Variants in SLX4 observed in about 807,000 individuals in gnomAD.
The protein encoded by SLX4 is SLX4 structure-specific endonuclease subunit, also known as structure-specific endonuclease subunit SLX4.
In SLX4, 112 loss-of-function variants were observed where a neutral mutation model predicts 146.2. The ratio of observed to expected loss-of-function variants is 0.77; its 90% CI spans 0.66 to 0.90. SLX4 has a LOEUF of 0.90. Ranked by LOEUF, SLX4 falls within the 40% of genes least tolerant of loss-of-function variation. SLX4 has a pLI of 0.00. For missense variants in SLX4, 2,563 were observed against 2,392.7 expected, an observed-to-expected ratio of 1.07 and a Z score of -1.49; for synonymous variants, 1,061 against 997.7, an observed-to-expected ratio of 1.06 and a Z score of -1.20.
Position 3,608,676 on chromosome 16 carries a change from C to T in SLX4, c.289G>A (p.Ala97Thr), listed in dbSNP as rs2040813930. 6.2e-7 allele frequency: 1 copy of T among 1,614,196 alleles called. No individual in the cohort carries two copies. Among genetic ancestry groups the T allele is most frequent in the Non-Finnish European group, 8.5e-7 (1 of 1,180,044 alleles). The part of the protein sequence containing the change: ...RSKLKRTKQT[A>T]TKTKTLQGPA... ...CCTTGAAGGGTTTTGGTCTTGGTAG[C>T]AGTTTGTTTGGTCCTTTTCAATTTG... The change falls in exon 2 of 15, where the codon GCT (alanine) becomes ACT (threonine). Residue 97 changes from alanine to threonine, a missense_variant. Transcript: ENST00000294008.
rs1318120613 is a variant in SLX4 at position 3,594,480 on chromosome 16, ATAAAGCACGAACTTGTGGGCG to A, written c.2112_2132del (p.His706_Ala712del). The A allele has an allele frequency of 6.2e-7, 1 of 1,614,026 alleles. No individual in the cohort carries two copies. The highest frequency in any genetic ancestry group is 1.1e-5 in the South Asian group (1 of 91,050). On this transcript the variant is annotated inframe_deletion, in exon 10 of 15. Coordinates refer to ENST00000294008, the MANE Select transcript of SLX4 (RefSeq NM_032444.4). ...ACTGGATGAGGAGCGGGCATCGGGC[ATAAAGCACGAACTTGTGGGCG>A]TAAAGCACCTCCCCGCTGTCCGTCT... is the stretch of plus-strand genomic sequence containing the variant.
At chr16:3,604,892 T>C (rs1431182149) in intron 3 of SLX4, among the ~76,000 whole-genome samples, 1 of 151,206 alleles carries the variant, frequency 6.6e-6, no homozygotes, top group African/African-American at 2.4e-5. Flanking sequence ...TAAATCTAGA[T>C]TGAGGTATAG....
At chr16:3,607,930 T>G (rs796538441) in intron 2 of SLX4, among the ~76,000 whole-genome samples, 5 of 152,338 alleles carry the variant, frequency 3.3e-5, no homozygotes, top group African/African-American at 1.2e-4. Flanking sequence ...GTCAATCATA[T>G]AACAGAATTT....
chr16:3,608,730 C>T lies in SLX4; in HGVS notation c.235G>A (p.Ala79Thr), dbSNP rs777034108. 6.2e-7 allele frequency: 1 copy of T among 1,614,180 alleles called. No homozygotes were observed. Among genetic ancestry groups the T allele is most frequent in the Non-Finnish European group, 8.5e-7 (1 of 1,180,038 alleles). The change falls in exon 2 of 15, where the codon GCT becomes ACT. Residue 79 changes from alanine to threonine, a missense_variant. Coordinates refer to ENST00000294008, the MANE Select transcript of SLX4 (RefSeq NM_032444.4). ...CTTATCTGAGTGCCGTTTGAGGCAG[C>T]CTTTTGTGTCTTCCTTTCTCCTGAC... ...EVSGERKTQK[A>T]ASNGTQIRSK...
rs542696055 is a variant in SLX4 at position 3,591,457 on chromosome 16, A to G, written c.2328-147T>C. The G allele has an allele frequency of 1.1e-5, 13 of 1,210,310 alleles. No homozygotes were observed. In the African/African-American group the frequency reaches 1.7e-4, roughly 15 times the overall value. 75.0% of individuals were successfully genotyped at this position (1,210,310 alleles called of 1,614,324 possible). On this transcript the variant is annotated intron_variant, in intron 11 of 14. Coordinates refer to ENST00000294008, the MANE Select transcript of SLX4 (RefSeq NM_032444.4). Reference sequence around the variant, plus strand: ...GCTTCCCTTTGAAGACGGTGTCCACACTCCTTGCCAGAAACACCCAGGCCA... The same window carrying G: ...GCTTCCCTTTGAAGACGGTGTCCACGCTCCTTGCCAGAAACACCCAGGCCA...
At chr16:3,606,363 G>C in intron 3 of SLX4, 111 bp downstream of exon 3, 2 of 1,174,236 alleles carry the variant, frequency 1.7e-6, no homozygotes, top group Non-Finnish European at 2.6e-6. Flanking sequence ...ACATCAAGCA[G>C]AGAGCCTATC....
chr16:3,583,421 GA>G lies in SLX4; in HGVS notation c.4828del (p.Ser1610ProfsTer105). ...CTGTGAGGACTGGCTCTCGTCCTCG[GA>G]GTCTGAGTCCAGGGTCTGGTGAGTG... ...QYTHQTLDSD[S>X]EDESQSSQPL... On this transcript the variant is annotated frameshift_variant, in exon 14 of 15. Coordinates refer to ENST00000294008, the MANE Select transcript of SLX4 (RefSeq NM_032444.4). LOFTEE classifies it high-confidence loss of function. The G allele has an allele frequency of 6.2e-7, 1 of 1,613,998 alleles. No homozygotes were observed. Among genetic ancestry groups the G allele is most frequent in the Non-Finnish European group, 8.5e-7 (1 of 1,179,892 alleles).
In SLX4 at chr16:3,591,237, C is replaced by T. The variant is rs2040590491; in HGVS notation, c.2401G>A (p.Glu801Lys). The T allele has an allele frequency of 6.2e-7, 1 of 1,613,524 alleles. No homozygotes were observed. The highest frequency in any genetic ancestry group is 8.5e-7 in the Non-Finnish European group (1 of 1,180,054). ...TCGCAATTCTCTGCTTCCTTCTCCT[C>T]CCATGGTTTGCCCTCTGAGTCAGTG... ...IATDSEGKPW[E>K]EKEAENCESR... is the part of the protein sequence containing the mutation. Residue 801 changes from glutamate (E) to lysine (K), a missense_variant, in exon 12 of 15, where the codon GAG becomes AAG. Glu to Lys is a moderately conservative substitution (Grantham distance 56). Transcript: ENST00000294008.
rs774654187 is a variant in SLX4 at position 3,609,468 on chromosome 16, T to C, written c.-504A>G. On this transcript the variant is annotated 5_prime_UTR_variant, in exon 2 of 15. Coordinates refer to ENST00000294008, the MANE Select transcript of SLX4 (RefSeq NM_032444.4). ...ACTGAAAGAGTGTTTTGTTGTCCAA[T>C]AGATGCCTCTGAGATCGAATACATA... is the stretch of plus-strand genomic sequence containing the variant. 4 of 160,556 alleles carry C rather than the reference T, an allele frequency of 2.5e-5. No homozygotes were observed. In the South Asian group the frequency reaches 4.9e-4, roughly 19 times the overall value. 9.9% of individuals were successfully genotyped at this position (160,556 alleles called of 1,614,324 possible). A position where few individuals can be genotyped will look rare whatever the true frequency, so the allele number is the denominator to read the frequency against.
intron 1 of SLX4, among the ~76,000 whole-genome samples, chr16:3,610,932 T>C (rs946511305): frequency 8.5e-5 from 13 of 152,212 alleles, no homozygotes; most frequent in African/African-American, 2.2e-4. Context: ...TTTATCCTGT[T>C]GGATGCGGGG....
intron 10 of SLX4, among the ~76,000 whole-genome samples, chr16:3,593,082 T>C (rs1254551742): frequency 2.0e-5 from 3 of 152,168 alleles, no homozygotes; most frequent in African/African-American, 7.2e-5. Flanking sequence ...ATTAATTTTA[T>C]TATTTTGAGT....
chr16:3,596,441 C>T (rs758100327), intron 7 of SLX4, 48 bp from the exon 8 acceptor site: 28 of 1,546,146 alleles, frequency 1.8e-5, no homozygotes, highest in Middle Eastern at 3.4e-4. Flanking sequence ...CTGTCATTGA[C>T]GCACACACTG....
Position 3,592,210 on chromosome 16 carries a change from C to T in SLX4, c.2327+489G>A, listed in dbSNP as rs527531664. The stretch of plus-strand genomic sequence containing the variant: ...TCGGATCAGCGGCCCAGGCCCTGTC[C>T]AGAGGCACAACACTTGTCCCTCTGA... On this transcript the variant is annotated intron_variant, in intron 11 of 14. Coordinates refer to ENST00000294008, the MANE Select transcript of SLX4 (RefSeq NM_032444.4). Among the ~76,000 whole-genome samples, 9 of 152,376 alleles carry T rather than the reference C, an allele frequency of 5.9e-5. No homozygotes were observed. In the South Asian group the frequency reaches 1.2e-3, roughly 21 times the overall value.
At chr16:3,591,983 C>T (rs949210947) in intron 11 of SLX4, among the ~76,000 whole-genome samples, 6 of 152,270 alleles carry the variant, frequency 3.9e-5, no homozygotes, top group South Asian at 4.1e-4. Context: ...AGCGACACTC[C>T]GTCTCTCCAA....
chr16:3,585,796 T>A (rs2040501641), intron 12 of SLX4, among the ~76,000 whole-genome samples: 1 of 129,128 alleles, frequency 7.7e-6, no homozygotes. Context: ...GAACCCTATC[T>A]CTACAAAAAA....
intron 14 of SLX4, 22 bp from the exon 15 acceptor site, chr16:3,582,715 C>T (rs760096682): frequency 2.1e-5 from 33 of 1,593,894 alleles, no homozygotes; most frequent in East Asian, 6.7e-5. Flanking sequence ...CAGACCAGGA[C>T]GTTGTGCAAC....
chr16:3,601,433 A>C (rs887838943), intron 4 of SLX4: 2 of 547,944 alleles, frequency 3.7e-6, no homozygotes, highest in Middle Eastern at 4.9e-4. Flanking sequence ...GATGACTTAG[A>C]AATTCCACTC....
At chr16:3,596,679 C>T (rs935353093) in intron 7 of SLX4, among the ~76,000 whole-genome samples, 5 of 152,236 alleles carry the variant, frequency 3.3e-5, no homozygotes, top group African/African-American at 7.2e-5. Flanking sequence ...CCAGGCCTGC[C>T]GCCCTCCTGA....
At chr16:3,602,391 A>G in intron 3 of SLX4, 84 bp from the exon 4 acceptor site, 1 of 1,511,530 alleles carries the variant, frequency 6.6e-7, no homozygotes, top group Non-Finnish European at 9.1e-7. Context: ...GCTCCTGCAG[A>G]CCATGGGGAG....
Sources: gnomAD v4.1 joint callset for allele counts (sites outside exome capture counted in the v4.1 genomes callset) on GRCh38, gnomAD v4.1.1 for gene constraint, MANE v1.5 for transcripts, NCBI Gene and HGNC (gene_info 2026-07-23, HGNC 2026-07-21) for gene names.